The following RBFOX1 variants were observed in gnomAD, a reference collection of about 807,000 sequenced individuals.
RBFOX1 encodes RNA binding protein fox-1 homolog 1.
Under a neutral mutation model 57.7 loss-of-function variants are expected in RBFOX1, and 8 were observed. That is an observed-to-expected ratio of 0.14 (90% CI 0.08 to 0.25). RBFOX1 has a LOEUF of 0.25. RBFOX1 is among the 10% of genes least tolerant of loss of function. The pLI is 1.00. For synonymous variants in RBFOX1, 326 were observed against 222.4 expected, an observed-to-expected ratio of 1.47 and a Z score of -4.15; for missense variants, 611 against 548.5, an observed-to-expected ratio of 1.11 and a Z score of -1.14.
intron 3 of RBFOX1, chr16:6,983,829 C>G (rs1409019327): frequency 6.6e-6 from 1 of 152,472 alleles, no homozygotes; most frequent in East Asian, 1.9e-4. Context: ...GTGGACAAGA[C>G]ATTAGGCTGG....
intron 1 of RBFOX1, among the ~76,000 whole-genome samples, chr16:6,167,974 A>G (rs544583133): frequency 1.3e-5 from 2 of 152,326 alleles, no homozygotes; most frequent in Non-Finnish European, 2.9e-5. Flanking sequence ...GCAAAATCCA[A>G]TTATAAACTT....
At chr16:7,136,426 T>TTTTTG (rs2071988885) in intron 4 of RBFOX1, among the ~76,000 whole-genome samples, 1 of 122,856 alleles carries the variant, frequency 8.1e-6, no homozygotes, top group African/African-American at 2.9e-5. Context: ...TTTTTTTTTT[T>TTTTTG]GACAGGGTCT....
intron 3 of RBFOX1, among the ~76,000 whole-genome samples, chr16:6,870,213 G>T (rs191983040): frequency 6.6e-6 from 1 of 152,172 alleles, no homozygotes; most frequent in Non-Finnish European, 1.5e-5. Flanking sequence ...AATTTTGCAG[G>T]CAGAGCCAAG....
chr16:6,670,855 C>T (rs1339513046), intron 3 of RBFOX1, among the ~76,000 whole-genome samples: 4 of 147,374 alleles, frequency 2.7e-5, no homozygotes, highest in Non-Finnish European at 6.0e-5. Flanking sequence ...AAAAAATTAG[C>T]CGGGCATGGT....
chr16:6,335,275 G>A (rs1007460762), intron 2 of RBFOX1, among the ~76,000 whole-genome samples: 1 of 152,166 alleles, frequency 6.6e-6, no homozygotes, highest in Non-Finnish European at 1.5e-5. Flanking sequence ...GAAGGTGGTG[G>A]TCTTATGTTT....
intron 3 of RBFOX1, among the ~76,000 whole-genome samples, chr16:6,886,981 C>T (rs562456476): frequency 8.5e-5 from 13 of 152,148 alleles, no homozygotes; most frequent in Non-Finnish European, 1.6e-4. Flanking sequence ...AAAAAAAATG[C>T]TCTTGTTCAT....
At chr16:6,583,498 C>G (rs905059998) in intron 2 of RBFOX1, among the ~76,000 whole-genome samples, 1 of 152,230 alleles carries the variant, frequency 6.6e-6, no homozygotes. Flanking sequence ...GAGGAAATAA[C>G]TAGAACTTTA....
At chr16:5,264,605 C>G (rs1372326236) in intron 1 of RBFOX1, among the ~76,000 whole-genome samples, 5 of 151,982 alleles carry the variant, frequency 3.3e-5, no homozygotes, top group East Asian at 3.9e-4. Flanking sequence ...CATTTTTTCT[C>G]TTTTATGAAA....
intron 4 of RBFOX1, among the ~76,000 whole-genome samples, chr16:6,000,837 GT>G: frequency 7.0e-6 from 1 of 143,544 alleles, no homozygotes; most frequent in Non-Finnish European, 1.5e-5. Context: ...GGATGGATGG[GT>G]GGGTAGGTGG....
chr16:7,171,306 C>T (rs141641871), intron 4 of RBFOX1, among the ~76,000 whole-genome samples: 3 of 152,284 alleles, frequency 2.0e-5, no homozygotes, highest in Admixed American at 1.3e-4. Flanking sequence ...ACTGCAGTGT[C>T]ATTGTACATC....
chr16:5,847,900 T>C (rs2056797911), intron 3 of RBFOX1, among the ~76,000 whole-genome samples: 1 of 152,130 alleles, frequency 6.6e-6, no homozygotes, highest in Non-Finnish European at 1.5e-5. Flanking sequence ...TTGTCTGTAA[T>C]TGTCCAGGAC....
In RBFOX1 at chr16:6,500,896, T is replaced by TTTTTTGTTTGTTTGTTTG. The variant is rs2095896619; in HGVS notation, c.-63-153702_-63-153701insGTTTGTTTGTTTGTTTTT. Reference sequence around the variant, plus strand: ...GAGTAGTTTTTTTTTTTTTTTTTTTTTTTTTAATGCTGAGACATCCTCTGT... The same window carrying TTTTTTGTTTGTTTGTTTG: ...GAGTAGTTTTTTTTTTTTTTTTTTTTTTTTTGTTTGTTTGTTTGTTTTTAATGCTGAGACATCCTCTGT... On this transcript the variant is annotated intron_variant, in intron 2 of 15. Transcript: ENST00000550418. Among the ~76,000 whole-genome samples, 268 of 142,358 alleles carry TTTTTTGTTTGTTTGTTTG rather than the reference T, an allele frequency of 1.9e-3. 2 individuals are homozygous for TTTTTTGTTTGTTTGTTTG. Among genetic ancestry groups the TTTTTTGTTTGTTTGTTTG allele is most frequent in the African/African-American group, 2.7e-3 (104 of 38,436 alleles). The allele number at this position is 142,358 out of a possible 152,430, so 93.4% of individuals were successfully genotyped here.
At chr16:6,794,493 A>G (rs997769246) in intron 3 of RBFOX1, among the ~76,000 whole-genome samples, 2 of 152,146 alleles carry the variant, frequency 1.3e-5, no homozygotes, top group African/African-American at 2.4e-5. Context: ...TAATGTAATT[A>G]TTCATAATGA....
chr16:5,638,242 C>G (rs1015610604), intron 3 of RBFOX1, among the ~76,000 whole-genome samples: 1 of 152,164 alleles, frequency 6.6e-6, no homozygotes, highest in African/African-American at 2.4e-5. Context: ...GCATAACTTG[C>G]TATCAGCCAC....
At chr16:6,355,324 C>T (rs990255984) in intron 2 of RBFOX1, among the ~76,000 whole-genome samples, 2 of 151,968 alleles carry the variant, frequency 1.3e-5, no homozygotes, top group African/African-American at 4.8e-5. Context: ...GTGATGTTCC[C>T]CTCCCTATAT....
chr16:6,736,101 C>T (rs577017057), intron 3 of RBFOX1, among the ~76,000 whole-genome samples: 109 of 151,966 alleles, frequency 7.2e-4, no homozygotes, highest in Non-Finnish European at 1.3e-3. Flanking sequence ...ATTATTTTAG[C>T]CATCCAAGGA....
rs117227791 is a variant in RBFOX1 at position 5,898,210 on chromosome 16, C to T, written c.351+30875C>T. ...AACTCACTCACTCTCATGAGAACAG[C>T]ATGAGGGTAACTTCCCCCATGATTA... On this transcript the variant is annotated intron_variant, in intron 4 of 19. Coordinates refer to the RBFOX1 transcript ENST00000641259. Among the ~76,000 whole-genome samples, 360 of 152,240 alleles carry T rather than the reference C, an allele frequency of 2.4e-3. 14 individuals are homozygous for T. The East Asian group carries it at 0.061, about 26-fold the overall frequency.
intron 3 of RBFOX1, among the ~76,000 whole-genome samples, chr16:6,951,002 C>A (rs903492076): frequency 6.6e-6 from 1 of 151,856 alleles, no homozygotes; most frequent in Non-Finnish European, 1.5e-5. Flanking sequence ...AACTTCTAGG[C>A]TCCAGCGATC....
At chr16:7,710,439 G>A (rs1452272683) in intron 15 of RBFOX1, 184 bp from the exon 16 acceptor site, 2 of 1,417,744 alleles carry the variant, frequency 1.4e-6, no homozygotes, top group Non-Finnish European at 1.8e-6. Flanking sequence ...TCTTTAGGAG[G>A]AGCTATTGGG....
Sources: gnomAD v4.1 joint callset for allele counts (sites outside exome capture counted in the v4.1 genomes callset) on GRCh38, gnomAD v4.1.1 for gene constraint, MANE v1.5 for transcripts, NCBI Gene and HGNC (gene_info 2026-07-23, HGNC 2026-07-21) for gene names.